EYS: variants seen among roughly 807,000 people sequenced by gnomAD.
EYS encodes protein eyes shut homolog.
In EYS, 250 loss-of-function variants were observed where a neutral mutation model predicts 282.1. The observed-to-expected ratio is 0.89, with a 90% CI of 0.80 to 0.98. The LOEUF (loss-of-function observed/expected upper bound fraction) is 0.98, where lower values mean the gene tolerates loss of function less well. EYS is among the 50% of genes least tolerant of loss of function. The pLI is 0.00. For synonymous variants in EYS, 1,355 were observed against 1,282.9 expected (o/e 1.06, Z -1.20); for missense variants, 4,016 against 3,709.0 (o/e 1.08, Z -2.15).
intron 26 of EYS, among the ~76,000 whole-genome samples, chr6:64,542,853 T>A (rs2149800042): frequency 6.6e-6 from 1 of 152,234 alleles, no homozygotes; most frequent in Middle Eastern, 3.4e-3. Context: ...GCTTCTACTG[T>A]CACATTTTAG....
chr6:65,297,285 T>A (rs190449649), intron 11 of EYS, among the ~76,000 whole-genome samples: 1 of 151,924 alleles, frequency 6.6e-6, no homozygotes, highest in Non-Finnish European at 1.5e-5. Context: ...TATAAATATG[T>A]CAATGGGCTG....
At chr6:65,032,059 A>C (rs1234855319) in intron 13 of EYS, among the ~76,000 whole-genome samples, 1 of 152,150 alleles carries the variant, frequency 6.6e-6, no homozygotes, top group Non-Finnish European at 1.5e-5. Context: ...CCCACAGATA[A>C]AAACAAAAAC....
At chr6:65,540,737 G>A (rs935715086) in intron 2 of EYS, among the ~76,000 whole-genome samples, 1 of 152,078 alleles carries the variant, frequency 6.6e-6, no homozygotes. Flanking sequence ...TGACTAACAT[G>A]GTGAAACCCC....
intron 12 of EYS, among the ~76,000 whole-genome samples, chr6:65,227,094 G>A (rs1414955414): frequency 6.6e-6 from 1 of 151,230 alleles, no homozygotes; most frequent in Non-Finnish European, 1.5e-5. Context: ...TTAGCTGGGT[G>A]TGGTGGTGCA....
Position 65,552,014 on chromosome 6 carries a change from G to A in EYS, c.-332-56021C>T, listed in dbSNP as rs1327214832. On this transcript the variant is annotated intron_variant, in intron 2 of 42. Coordinates refer to ENST00000503581, the MANE Select transcript of EYS (RefSeq NM_001142800.2). ...CAAACAACCCCATCAAAAAGTGGGCGAAGGTCATGAACAGACACTTCTCAA... is the reference window on the plus strand; with the variant it reads ...CAAACAACCCCATCAAAAAGTGGGCAAAGGTCATGAACAGACACTTCTCAA... Among the ~76,000 whole-genome samples the A allele has an allele frequency of 2.3e-3, 62 of 27,026 alleles. 21 individuals are homozygous for A. Among genetic ancestry groups the A allele is most frequent in the East Asian group, 3.7e-3 (2 of 546 alleles). 17.7% of individuals were successfully genotyped at this position (27,026 alleles called of 152,430 possible).
At chr6:65,555,038 A>G (rs1929335) in intron 2 of EYS, among the ~76,000 whole-genome samples, 83,329 of 151,780 alleles carry the variant, frequency 0.55, 22,921 homozygotes, top group East Asian at 0.71. Context: ...TTCAAATTGT[A>G]CCTGGTGTAA....
intron 41 of EYS, among the ~76,000 whole-genome samples, chr6:63,742,586 T>A (rs949007467): frequency 6.6e-6 from 1 of 152,168 alleles, no homozygotes; most frequent in Admixed American, 6.6e-5. Flanking sequence ...CTAACCCCTC[T>A]TCCTATGCCA....
At chr6:65,702,041 A>G (rs1028276252) in intron 1 of EYS, among the ~76,000 whole-genome samples, 1 of 152,192 alleles carries the variant, frequency 6.6e-6, no homozygotes, top group Non-Finnish European at 1.5e-5. Flanking sequence ...GTAATGACTG[A>G]CATGTGCTTA....
At chr6:65,342,356 T>C (rs951046474) in intron 10 of EYS, among the ~76,000 whole-genome samples, 1 of 151,046 alleles carries the variant, frequency 6.6e-6, no homozygotes, top group Admixed American at 6.6e-5. Context: ...GGTTGAATCT[T>C]GTGAATTCTT....
chr6:65,095,838 A>G (rs1440326080), intron 12 of EYS, among the ~76,000 whole-genome samples: 1 of 150,688 alleles, frequency 6.6e-6, no homozygotes, highest in African/African-American at 2.4e-5. Context: ...CATGGCTAAC[A>G]TAATATTCAA....
At chr6:64,406,070 T>C (rs1036345051) in intron 28 of EYS, among the ~76,000 whole-genome samples, 11 of 152,034 alleles carry the variant, frequency 7.2e-5, no homozygotes, top group Non-Finnish European at 1.6e-4. Context: ...TACTACAAGT[T>C]CACAGTAACC....
rs1231785550 is a variant in EYS at position 65,495,944 on chromosome 6, A to G, written c.-283T>C. On this transcript the variant is annotated 5_prime_UTR_variant, in exon 3 of 43. Coordinates refer to ENST00000503581, the MANE Select transcript of EYS (RefSeq NM_001142800.2). ...CAAGATTCTTTTACAGATGGTTTCA[A>G]TTTTCTTGGGAGATAAGCATTCCTC... The G allele has an allele frequency of 6.5e-6, 1 of 154,888 alleles. No individual in the cohort carries two copies. Among genetic ancestry groups the G allele is most frequent in the African/African-American group, 2.4e-5 (1 of 41,466 alleles). The allele number at this position is 154,888 out of a possible 1,614,324, so 9.6% of individuals were successfully genotyped here. A position where few individuals can be genotyped will look rare whatever the true frequency, so the allele number is the denominator to read the frequency against.
At chr6:65,227,452 C>A (rs1340252187) in intron 12 of EYS, among the ~76,000 whole-genome samples, 2 of 152,088 alleles carry the variant, frequency 1.3e-5, no homozygotes, top group Non-Finnish European at 2.9e-5. Flanking sequence ...ATCTGCACTG[C>A]TTGTGGAAGT....
chr6:65,229,561 TAGAC>T (rs1766716055), intron 12 of EYS, among the ~76,000 whole-genome samples: 1 of 151,616 alleles, frequency 6.6e-6, no homozygotes, highest in South Asian at 2.1e-4. Flanking sequence ...TTCGGGAAAT[TAGAC>T]AGAAAGAAGG....
At chr6:63,859,117 C>G (rs1772472695) in intron 36 of EYS, among the ~76,000 whole-genome samples, 4 of 86,132 alleles carry the variant, frequency 4.6e-5, no homozygotes, top group East Asian at 3.8e-4. Flanking sequence ...TTTTTAATAG[C>G]TGGGATGGAG....
intron 12 of EYS, among the ~76,000 whole-genome samples, chr6:65,252,053 A>G (rs935316391): frequency 6.6e-6 from 1 of 151,836 alleles, no homozygotes; most frequent in East Asian, 1.9e-4. Context: ...GGCGACTCCT[A>G]TTGTTTTTGT....
At position 64,236,761 on chromosome 6, in the gene EYS, A is replaced by C. The variant is rs1460439706; in HGVS notation, c.6192-5937T>G. On this transcript the variant is annotated intron_variant, in intron 30 of 42. Transcript: ENST00000503581. The stretch of plus-strand genomic sequence containing the variant: ...TTTCTATTTCTTTCAGGTTTTTTTA[A>C]TTTTTTAATTTTTTATCTTTTATTT... Among the ~76,000 whole-genome samples the C allele has an allele frequency of 7.5e-4, 110 of 145,906 alleles. 1 individual carries two copies.
At chr6:65,545,627 G>A (rs1007093876) in intron 2 of EYS, among the ~76,000 whole-genome samples, 6 of 152,046 alleles carry the variant, frequency 3.9e-5, no homozygotes, top group Non-Finnish European at 5.9e-5. Context: ...GTATATGTAC[G>A]TAATGTAAAC....
At chr6:64,757,552 T>A (rs1347931236) in intron 22 of EYS, among the ~76,000 whole-genome samples, 1 of 152,092 alleles carries the variant, frequency 6.6e-6, no homozygotes, top group Non-Finnish European at 1.5e-5. Flanking sequence ...CGTCTTAATT[T>A]GTATCATTTA....
Sources: gnomAD v4.1 joint callset for allele counts (sites outside exome capture counted in the v4.1 genomes callset) on GRCh38, gnomAD v4.1.1 for gene constraint, MANE v1.5 for transcripts, NCBI Gene and HGNC (gene_info 2026-07-23, HGNC 2026-07-21) for gene names.